SPICE1: variants seen among roughly 807,000 people sequenced by gnomAD.
SPICE1 encodes the protein spindle and centriole-associated protein 1.
SPICE1 carries 75 observed loss-of-function variants against 102.7 expected under a neutral mutation model. The ratio of observed to expected loss-of-function variants is 0.73; its 90% CI spans 0.61 to 0.88. The LOEUF is 0.88. Among genes scored for constraint, SPICE1 ranks in the 40% least tolerant of loss-of-function variants. SPICE1 has a pLI of 0.00. For missense variants in SPICE1, 979 were observed against 1,020.1 expected (o/e 0.96, Z 0.55); for synonymous variants, 308 against 350.3 (o/e 0.88, Z 1.35).
chr3:113,488,903 A>G, intron 7 of SPICE1, 42 bp downstream of exon 7: 1 of 1,238,214 alleles, frequency 8.1e-7, no homozygotes, highest in Non-Finnish European at 1.2e-6. Context: ...TGGCCATGGA[A>G]AAAACCTGAG....
intron 13 of SPICE1, among the ~76,000 whole-genome samples, chr3:113,456,737 C>T (rs1042458004): frequency 4.6e-5 from 7 of 152,184 alleles, no homozygotes; most frequent in African/African-American, 1.7e-4. Context: ...ATGTCACTTA[C>T]AAGACCCTTA....
intron 7 of SPICE1, among the ~76,000 whole-genome samples, chr3:113,481,748 C>A (rs1297393832): frequency 1.3e-5 from 2 of 152,112 alleles, no homozygotes; most frequent in Non-Finnish European, 2.9e-5. Context: ...GACATGAACT[C>A]ATCTTTTTTA....
At chr3:113,471,247 A>G (rs1159404405) in intron 7 of SPICE1, among the ~76,000 whole-genome samples, 1 of 152,192 alleles carries the variant, frequency 6.6e-6, no homozygotes, top group Non-Finnish European at 1.5e-5. Flanking sequence ...ACAATTTAGA[A>G]TCTTGAGATG....
At chr3:113,472,653 G>A (rs1175238550) in intron 7 of SPICE1, among the ~76,000 whole-genome samples, 4 of 152,188 alleles carry the variant, frequency 2.6e-5, no homozygotes, top group Non-Finnish European at 2.9e-5. Flanking sequence ...TGCAGCCACC[G>A]CTGCTGATAC....
At chr3:113,514,066 G>A (rs530061728) in intron 1 of SPICE1, among the ~76,000 whole-genome samples, 1 of 152,208 alleles carries the variant, frequency 6.6e-6, no homozygotes, top group Non-Finnish European at 1.5e-5. Context: ...GCTAAAATAC[G>A]AATAAAAGTT....
At chr3:113,462,265 A>G (rs755329842) in intron 11 of SPICE1, among the ~76,000 whole-genome samples, 2 of 152,190 alleles carry the variant, frequency 1.3e-5, no homozygotes, top group African/African-American at 4.8e-5. Context: ...CTCTAGTCCC[A>G]TACTGTTCCC....
At chr3:113,464,047 G>T (rs1935994060) in intron 11 of SPICE1, among the ~76,000 whole-genome samples, 1 of 151,574 alleles carries the variant, frequency 6.6e-6, no homozygotes, top group African/African-American at 2.4e-5. Flanking sequence ...CAGCCTGGGG[G>T]ACAGAGTGGG....
intron 1 of SPICE1, among the ~76,000 whole-genome samples, chr3:113,510,667 G>A (rs1380814434): frequency 6.6e-6 from 1 of 152,078 alleles, no homozygotes; most frequent in Admixed American, 6.5e-5. Flanking sequence ...AAAAACCCTA[G>A]AAGAAAATCT....
chr3:113,500,800 C>T (rs537931878), intron 3 of SPICE1, among the ~76,000 whole-genome samples: 17 of 152,180 alleles, frequency 1.1e-4, no homozygotes, highest in Admixed American at 2.0e-4. Context: ...TTAATGAGCA[C>T]CTACTAGGAT....
At chr3:113,479,146 C>T (rs149889160) in intron 7 of SPICE1, among the ~76,000 whole-genome samples, 9,592 of 126,978 alleles carry the variant, frequency 0.076, 490 homozygotes, top group Non-Finnish European at 0.1. Flanking sequence ...CCACAACAGT[C>T]GCCAGTGTGT....
At chr3:113,497,398 C>A (rs1190887898) in intron 4 of SPICE1, among the ~76,000 whole-genome samples, 2 of 152,036 alleles carry the variant, frequency 1.3e-5, no homozygotes, top group Non-Finnish European at 2.9e-5. Context: ...AAGTGTTCAC[C>A]AATAAAGCAC....
At chr3:113,464,881 C>T (rs535661810) in intron 11 of SPICE1, among the ~76,000 whole-genome samples, 2 of 152,142 alleles carry the variant, frequency 1.3e-5, no homozygotes, top group South Asian at 2.1e-4. Context: ...CCAAGGCGGG[C>T]GAATAGCTTG....
At chr3:113,490,367 C>A (rs538951558) in intron 6 of SPICE1, among the ~76,000 whole-genome samples, 58 of 152,296 alleles carry the variant, frequency 3.8e-4, no homozygotes, top group African/African-American at 1.3e-3. Flanking sequence ...TCTGGCCAGA[C>A]ACAGTGGCTC....
At chr3:113,482,387 T>C (rs1349496482) in intron 7 of SPICE1, among the ~76,000 whole-genome samples, 1 of 152,248 alleles carries the variant, frequency 6.6e-6, no homozygotes, top group Non-Finnish European at 1.5e-5. Context: ...CAGTTTCTTT[T>C]GCTGTGCAGG....
At chr3:113,476,807 C>T (rs1230854877) in intron 7 of SPICE1, among the ~76,000 whole-genome samples, 21 of 149,094 alleles carry the variant, frequency 1.4e-4, no homozygotes, top group African/African-American at 3.4e-4. Flanking sequence ...AAGACTTAAA[C>T]GTTAGACCTA....
At chr3:113,455,398 C>T (rs1360257671) in intron 13 of SPICE1, among the ~76,000 whole-genome samples, 1 of 152,140 alleles carries the variant, frequency 6.6e-6, no homozygotes, top group Non-Finnish European at 1.5e-5. Context: ...TCCAATATGG[C>T]AGCCTCTAGC....
intron 4 of SPICE1, chr3:113,498,821 T>G (rs1420197732): frequency 1.3e-5 from 2 of 152,274 alleles, no homozygotes; most frequent in African/African-American, 2.4e-5. Context: ...GGTTATTTGC[T>G]GTAGTTTCCT....
intron 1 of SPICE1, 37 bp from the exon 2 acceptor site, chr3:113,506,642 A>G: frequency 6.4e-7 from 1 of 1,550,520 alleles, no homozygotes; most frequent in Non-Finnish European, 8.9e-7. Flanking sequence ...TTAAAATACA[A>G]GAAAAAACAA....
At chr3:113,511,446 C>T (rs1036488697) in intron 1 of SPICE1, among the ~76,000 whole-genome samples, 1 of 152,158 alleles carries the variant, frequency 6.6e-6, no homozygotes, top group Non-Finnish European at 1.5e-5. Flanking sequence ...GGAATGAGAT[C>T]ATGTCCTTTG....
Sources: allele counts gnomAD v4.1 joint callset (sites outside exome capture counted in the v4.1 genomes callset), GRCh38; gene constraint gnomAD v4.1.1; transcripts MANE v1.5; gene names NCBI Gene and HGNC (gene_info 2026-07-23, HGNC 2026-07-21).